ARL15: variants seen among roughly 807,000 people sequenced by gnomAD.
ARL15 encodes the protein ARF like GTPase 15, also known as ADP-ribosylation factor-like protein 15.
A neutral mutation model predicts 25.2 loss-of-function variants in ARL15; 19 were observed. That is an observed-to-expected ratio of 0.75 (90% CI 0.53 to 1.10). ARL15 has a LOEUF of 1.10. Among genes scored for constraint, ARL15 ranks in the 50% least tolerant of loss-of-function variants. The pLI is 0.00. For missense variants in ARL15, 220 were observed against 246.0 expected (o/e 0.89, Z 0.71); for synonymous variants, 94 against 86.8 (o/e 1.08, Z -0.46).
At chr5:54,107,175 A>G (rs1367051763) in intron 4 of ARL15, among the ~76,000 whole-genome samples, 1 of 152,122 alleles carries the variant, frequency 6.6e-6, no homozygotes, top group Non-Finnish European at 1.5e-5. Context: ...AGATCTTGTG[A>G]GACTTACTAC....
Position 53,888,277 on chromosome 5 carries a change from T to A in ARL15, c.463-1564A>T, listed in dbSNP as rs186753639. Among the ~76,000 whole-genome samples the A allele has an allele frequency of 5.2e-3, 649 of 125,756 alleles. 4 individuals are homozygous for A. The highest frequency in any genetic ancestry group is 0.013 in the African/African-American group (512 of 38,328). 82.5% of individuals were successfully genotyped at this position (125,756 alleles called of 152,430 possible). On this transcript the variant is annotated intron_variant, in intron 4 of 4. Transcript: ENST00000504924. ...CTTTTTTTGTTTTATTTATTTATTT[T>A]TTTATTTTTATTTTTTTAGATTAGA...
Position 54,011,540 on chromosome 5 carries a change from A to T in ARL15, c.462+101662T>A, listed in dbSNP as rs954698039. ...CTTGATAGTGATTATATAGGTGGTT[A>T]GGGTGAAAAATAGCATGAGTTCCAT... On this transcript the variant is annotated intron_variant, in intron 4 of 4. Transcript: ENST00000504924. Among the ~76,000 whole-genome samples, 36 of 152,212 alleles carry T rather than the reference A, an allele frequency of 2.4e-4. 1 individual carries two copies. Among genetic ancestry groups the T allele is most frequent in the African/African-American group, 8.2e-4 (34 of 41,446 alleles).
intron 1 of ARL15, among the ~76,000 whole-genome samples, chr5:54,274,318 A>T (rs145507003): frequency 6.4e-4 from 97 of 152,336 alleles, no homozygotes; most frequent in Middle Eastern, 3.4e-3. Flanking sequence ...AAAAGGATAC[A>T]TTCTGCATTC....
intron 1 of ARL15, among the ~76,000 whole-genome samples, chr5:54,296,927 G>A (rs1394677440): frequency 6.6e-6 from 1 of 152,244 alleles, no homozygotes; most frequent in Non-Finnish European, 1.5e-5. Context: ...AAAGGCTGGA[G>A]AGGGCAGGTA....
intron 4 of ARL15, among the ~76,000 whole-genome samples, chr5:53,922,686 C>T (rs546869723): frequency 1.1e-4 from 17 of 152,230 alleles, no homozygotes; most frequent in Admixed American, 2.6e-4. Context: ...TAGGCCAGTA[C>T]GTCAATATTT....
intron 4 of ARL15, among the ~76,000 whole-genome samples, chr5:54,039,847 A>G (rs1284261829): frequency 6.6e-6 from 1 of 151,526 alleles, no homozygotes; most frequent in Non-Finnish European, 1.5e-5. Flanking sequence ...AAATTAATAA[A>G]TGCAGCTAGA....
At chr5:54,103,138 T>G (rs2112184287) in intron 4 of ARL15, among the ~76,000 whole-genome samples, 1 of 152,304 alleles carries the variant, frequency 6.6e-6, no homozygotes, top group South Asian at 2.1e-4. Context: ...TCTTCTCCTT[T>G]GTAACCTAGT....
chr5:54,128,888 G>C (rs1753348729), intron 3 of ARL15, among the ~76,000 whole-genome samples: 1 of 151,722 alleles, frequency 6.6e-6, no homozygotes. Flanking sequence ...TGTATTTTTA[G>C]TAGAGATGGG....
At chr5:53,989,602 T>C (rs1210506937) in intron 4 of ARL15, among the ~76,000 whole-genome samples, 4 of 150,738 alleles carry the variant, frequency 2.7e-5, no homozygotes, top group African/African-American at 9.8e-5. Context: ...TGTGTGTGTA[T>C]GGGTGTGTGT....
At chr5:54,022,464 C>T (rs186933778) in intron 4 of ARL15, among the ~76,000 whole-genome samples, 1 of 152,006 alleles carries the variant, frequency 6.6e-6, no homozygotes, top group Non-Finnish European at 1.5e-5. Context: ...TGCTTTGAGC[C>T]CCCCTCTCTA....
At chr5:54,195,734 T>C (rs1254394813) in intron 1 of ARL15, among the ~76,000 whole-genome samples, 2 of 152,168 alleles carry the variant, frequency 1.3e-5, no homozygotes, top group East Asian at 1.9e-4. Context: ...TACATCTTTC[T>C]CTTTTCTTTT....
intron 1 of ARL15, among the ~76,000 whole-genome samples, chr5:54,204,673 T>A (rs1755816166): frequency 6.6e-6 from 1 of 152,158 alleles, no homozygotes; most frequent in South Asian, 2.1e-4. Flanking sequence ...TCTTTACATT[T>A]CAGTGCAGAT....
rs556230731 is a variant in ARL15 at position 54,173,863 on chromosome 5, C to T, written c.49-1935G>A. 5.2e-4 allele frequency among the ~76,000 whole-genome samples: 79 copies of T among 152,186 alleles called. 1 individual carries two copies. On this transcript the variant is annotated intron_variant, in intron 1 of 4. Transcript: ENST00000504924. ...CAGCCTCATTGCCCTCACTCCCCTA[C>T]ATCCTCCAGCCATGCCCTCTCTTAC...
intron 4 of ARL15, among the ~76,000 whole-genome samples, chr5:53,950,439 C>T (rs187206503): frequency 6.6e-6 from 1 of 152,226 alleles, no homozygotes; most frequent in Non-Finnish European, 1.5e-5. Flanking sequence ...GGACTGGAGA[C>T]AGAGGGGGAA....
chr5:54,124,959 G>A lies in ARL15; in HGVS notation c.254-11549C>T, dbSNP rs565608387. Among the ~76,000 whole-genome samples, 9 of 152,204 alleles carry A rather than the reference G, an allele frequency of 5.9e-5. No individual in the cohort carries two copies. In the South Asian group the frequency reaches 1.9e-3, roughly 32 times the overall value. The stretch of plus-strand genomic sequence containing the variant: ...TGAGTGTGAGCTGGCCTAGTGCCTT[G>A]CTTCTAGCCAAGAGAATGTGGCAAG... On this transcript the variant is annotated intron_variant, in intron 3 of 4. Transcript: ENST00000504924.
At chr5:54,283,327 A>G (rs1418621575) in intron 1 of ARL15, among the ~76,000 whole-genome samples, 1 of 152,232 alleles carries the variant, frequency 6.6e-6, no homozygotes, top group Non-Finnish European at 1.5e-5. Context: ...AAAGATTGGA[A>G]AGCCAAAGGC....
intron 4 of ARL15, among the ~76,000 whole-genome samples, chr5:54,033,682 A>G (rs2111908300): frequency 6.6e-6 from 1 of 152,266 alleles, no homozygotes; most frequent in South Asian, 2.1e-4. Context: ...CAAAAAAAAA[A>G]AAAAAGAAAG....
At chr5:54,036,598 A>G (rs1169142088) in intron 4 of ARL15, among the ~76,000 whole-genome samples, 1 of 152,112 alleles carries the variant, frequency 6.6e-6, no homozygotes, top group Non-Finnish European at 1.5e-5. Context: ...AAAAAAAACT[A>G]TATTTTTGTA....
chr5:54,256,632 AG>A (rs1257130769), intron 1 of ARL15, among the ~76,000 whole-genome samples: 232 of 151,000 alleles, frequency 1.5e-3, no homozygotes, highest in African/African-American at 4.9e-3. Context: ...AAAAAGAAAA[AG>A]AAAGAAAGAA....
Sources: gnomAD v4.1 joint callset for allele counts (sites outside exome capture counted in the v4.1 genomes callset) on GRCh38, gnomAD v4.1.1 for gene constraint, MANE v1.5 for transcripts, NCBI Gene and HGNC (gene_info 2026-07-23, HGNC 2026-07-21) for gene names.